The following ZNF347 variants were observed in gnomAD, a reference collection of about 807,000 sequenced individuals.
The protein encoded by ZNF347 is zinc finger protein 347.
Under a neutral mutation model 12.9 loss-of-function variants are expected in ZNF347, and 19 were observed. That is an observed-to-expected ratio of 1.47 (90% CI 1.03 to 2.16). The LOEUF (loss-of-function observed/expected upper bound fraction) is 2.16, where lower values mean the gene tolerates loss of function less well. ZNF347 is among the 30% of genes most tolerant of loss of function. The pLI is 0.00. For missense variants in ZNF347, 1,005 were observed against 990.6 expected, an observed-to-expected ratio of 1.01 and a Z score of -0.19; for synonymous variants, 328 against 340.6, an observed-to-expected ratio of 0.96 and a Z score of 0.41.
chr19:53,152,403 T>G (rs2090504594), intron 2 of ZNF347, among the ~76,000 whole-genome samples: 1 of 149,902 alleles, frequency 6.7e-6, no homozygotes. Context: ...GGTCAAAAGT[T>G]TGGGACCAGC....
chr19:53,157,714 CCTT>C (rs2090544637), intron 1 of ZNF347, among the ~76,000 whole-genome samples: 2 of 152,172 alleles, frequency 1.3e-5, no homozygotes, highest in Admixed American at 6.5e-5. Context: ...CTGTGGTTCT[CCTT>C]CTGCTCTCCT....
rs1367506632 is a variant in ZNF347 at position 53,135,776 on chromosome 19, A to G, written c.*4532T>C. The G allele has an allele frequency of 1.3e-5, 2 of 152,234 alleles. No individual in the cohort carries two copies. Among genetic ancestry groups the G allele is most frequent in the African/African-American group, 4.8e-5 (2 of 41,462 alleles). 9.4% of individuals were successfully genotyped at this position (152,234 alleles called of 1,614,324 possible). A position where few individuals can be genotyped will look rare whatever the true frequency, so the allele number is the denominator to read the frequency against. ...CTGATGATTCAGTTGTTACACATAA[A>G]GCATTAATAACTGTGATTCTTACTC... On this transcript the variant is annotated 3_prime_UTR_variant, in exon 5 of 5. Transcript: ENST00000334197.
intron 1 of ZNF347, among the ~76,000 whole-genome samples, chr19:53,157,864 T>C (rs1391079875): frequency 6.6e-6 from 1 of 152,204 alleles, no homozygotes; most frequent in Non-Finnish European, 1.5e-5. Context: ...CTGTCCTTCA[T>C]GTCTCTGGAC....
intron 3 of ZNF347, chr19:53,149,016 G>A (rs921059554): frequency 3.7e-6 from 4 of 1,093,164 alleles, no homozygotes; most frequent in Admixed American, 3.1e-5. Flanking sequence ...TCAAAGCATG[G>A]GGATAGAAAA....
intron 4 of ZNF347, among the ~76,000 whole-genome samples, chr19:53,144,561 TAAAA>T (rs905342597): frequency 6.7e-6 from 1 of 148,580 alleles, no homozygotes. Flanking sequence ...AGAAAACCAA[TAAAA>T]AAAAAATTAG....
chr19:53,147,392 C>CA (rs1381876743), intron 4 of ZNF347, among the ~76,000 whole-genome samples: 3 of 151,204 alleles, frequency 2.0e-5, no homozygotes, highest in African/African-American at 7.3e-5. Context: ...AACAAACAAA[C>CA]AAACAAAAAA....
chr19:53,142,691 C>G (rs1302889929), intron 4 of ZNF347, 135 bp from the exon 5 acceptor site: 3 of 664,664 alleles, frequency 4.5e-6, no homozygotes, highest in Non-Finnish European at 7.2e-6. Flanking sequence ...ATTTATGAAA[C>G]TTCAGAACAA....
In ZNF347 at chr19:53,140,461, T is replaced by G. The variant is rs2090413995; in HGVS notation, c.2367A>C (p.Gly789=). The G allele has an allele frequency of 1.2e-6, 2 of 1,613,930 alleles. No individual in the cohort carries two copies. The highest frequency in any genetic ancestry group is 2.7e-5 in the African/African-American group (2 of 74,912). Residue 789 remains glycine (G), a synonymous_variant, in exon 5 of 5, where the codon GGA becomes GGC. Transcript: ENST00000334197. ...GTTTCCCACACTCATATGGTTTCTC[T>G]CCGGTATGAATTCTCTGATGCCTTG... ...KLARHQRIHT[G]EKPYECGKPF...
In ZNF347 at chr19:53,138,543, T is replaced by C. The variant is rs1599848927; in HGVS notation, c.*1765A>G. 1 of 152,122 alleles carries C rather than the reference T, an allele frequency of 6.6e-6. No individual in the cohort carries two copies. Among genetic ancestry groups the C allele is most frequent in the Admixed American group, 6.6e-5 (1 of 15,248 alleles). 9.4% of individuals were successfully genotyped at this position (152,122 alleles called of 1,614,324 possible). On this transcript the variant is annotated 3_prime_UTR_variant, in exon 5 of 5. Transcript: ENST00000334197. ...ACCAACACTGTGGCAGCTTTCAGAGTGTAAGAGTATGAAAACTGCACTTTC... is the reference window on the plus strand; with the variant it reads ...ACCAACACTGTGGCAGCTTTCAGAGCGTAAGAGTATGAAAACTGCACTTTC...
chr19:53,153,373 ACG>A (rs1394806453), intron 2 of ZNF347, among the ~76,000 whole-genome samples: 1 of 152,200 alleles, frequency 6.6e-6, no homozygotes, highest in Non-Finnish European at 1.5e-5. Flanking sequence ...CGTGACTTCC[ACG>A]TGCAGCTGCT....
chr19:53,155,359 G>T (rs555433991), intron 1 of ZNF347, among the ~76,000 whole-genome samples: 1 of 150,810 alleles, frequency 6.6e-6, no homozygotes, highest in African/African-American at 2.4e-5. Flanking sequence ...TTGAGACAGG[G>T]TCTCACTCTG....
chr19:53,151,015 C>T (rs1272197316), intron 2 of ZNF347, among the ~76,000 whole-genome samples: 2 of 152,220 alleles, frequency 1.3e-5, no homozygotes, highest in Admixed American at 6.5e-5. Context: ...GCTGGGATTA[C>T]AGGCGCAAGC....
In ZNF347 at chr19:53,137,980, G is replaced by C. The variant is rs747574386; in HGVS notation, c.*2328C>G. The C allele has an allele frequency of 1.3e-5, 2 of 151,618 alleles. No individual in the cohort carries two copies. The highest frequency in any genetic ancestry group is 2.9e-5 in the Non-Finnish European group (2 of 67,932). The allele number at this position is 151,618 out of a possible 1,614,324, so 9.4% of individuals were successfully genotyped here. ...CATCCAACCAATATATATATATTTGGTATTTTTTAGTAGAGATGGGGTTTC... is the reference window on the plus strand; with the variant it reads ...CATCCAACCAATATATATATATTTGCTATTTTTTAGTAGAGATGGGGTTTC... On this transcript the variant is annotated 3_prime_UTR_variant, in exon 5 of 5. Transcript: ENST00000334197.
chr19:53,149,418 T>C lies in ZNF347; in HGVS notation c.16-51A>G. 1.9e-6 allele frequency: 3 copies of C among 1,610,006 alleles called. No individual in the cohort carries two copies. In the South Asian group the frequency reaches 3.3e-5, roughly 18 times the overall value. On this transcript the variant is annotated intron_variant, in intron 2 of 4. Coordinates refer to ENST00000334197, the MANE Select transcript of ZNF347 (RefSeq NM_032584.3). ...GGGGATATAAGGAAAAGCTCCAATC[T>C]TCACATAAAATGAGAAGACAGAATA...
Position 53,141,722 on chromosome 19 carries a change from C to A in ZNF347, c.1106G>T (p.Gly369Val), listed in dbSNP as rs1420027005. 2 of 1,613,816 alleles carry A rather than the reference C, an allele frequency of 1.2e-6. No individual in the cohort carries two copies. Among genetic ancestry groups the A allele is most frequent in the Non-Finnish European group, 1.7e-6 (2 of 1,179,928 alleles). ...HLVRHRGIHT[G>V]EKPYKCNECG... is the part of the protein sequence containing the mutation. ...CTCATTACACTTGTAAGGTTTCTCT[C>A]CAGTATGAATTCCTCGATGTCTTAC... The change falls in exon 5 of 5, where the codon GGA becomes GTA. Residue 369 changes from glycine to valine, a missense_variant. By Grantham distance (109) the Gly-to-Val change is moderately radical. Coordinates refer to ENST00000334197, the MANE Select transcript of ZNF347 (RefSeq NM_032584.3).
intron 4 of ZNF347, among the ~76,000 whole-genome samples, chr19:53,148,008 TACCTAAGCATG>T (rs916654924): frequency 2.0e-4 from 31 of 152,248 alleles, no homozygotes; most frequent in Admixed American, 2.6e-4. Flanking sequence ...AGAAAAAACA[TACCTAAGCATG>T]ATAAAAGCCA....
At chr19:53,148,844 AG>A in intron 3 of ZNF347, 35 bp from the exon 4 acceptor site, 1 of 1,607,154 alleles carries the variant, frequency 6.2e-7, no homozygotes, top group East Asian at 2.2e-5. Flanking sequence ...AATGGGCTGT[AG>A]ATTTTCCAGA....
intron 2 of ZNF347, 177 bp from the exon 3 acceptor site, chr19:53,149,544 T>C: frequency 7.9e-7 from 1 of 1,271,922 alleles, no homozygotes. Context: ...ACTTGGAATC[T>C]CTGGAGTGAT....
In ZNF347 at chr19:53,140,390, G is replaced by T; in HGVS notation, c.2438C>A (p.Thr813Asn). 1.9e-6 allele frequency: 3 copies of T among 1,612,278 alleles called. No individual in the cohort carries two copies. Among genetic ancestry groups the T allele is most frequent in the Non-Finnish European group, 2.5e-6 (3 of 1,179,146 alleles). The change falls in exon 5 of 5, where the codon ACT becomes AAT. Residue 813 changes from threonine to asparagine, a missense_variant. Transcript: ENST00000334197. ...SSLTTHQTIH[T>N]GGKPYKCNVW... Reference sequence around the variant, plus strand: ...GTTACATTTGTAAGGTTTCCCACCAGTATGGATTGTCTGATGGGTAGTTAG... The same window carrying T: ...GTTACATTTGTAAGGTTTCCCACCATTATGGATTGTCTGATGGGTAGTTAG...
Sources: allele counts gnomAD v4.1 joint callset (sites outside exome capture counted in the v4.1 genomes callset), GRCh38; gene constraint gnomAD v4.1.1; transcripts MANE v1.5; gene names NCBI Gene and HGNC (gene_info 2026-07-23, HGNC 2026-07-21).